Variants in APBB2 observed in about 807,000 individuals in gnomAD.
APBB2 encodes the protein amyloid beta precursor protein binding family B member 2, also known as Fe65-like 1.
In APBB2, 38 loss-of-function variants were observed where a neutral mutation model predicts 82.5. The ratio of observed to expected loss-of-function variants is 0.46; its 90% CI spans 0.36 to 0.60. APBB2 has a LOEUF of 0.60. APBB2 is among the 20% of genes least tolerant of loss of function. The pLI, the probability that APBB2 is intolerant of heterozygous loss-of-function variation, is 0.00. For synonymous variants in APBB2, 341 were observed against 368.2 expected (o/e 0.93, Z 0.85); for missense variants, 772 against 972.3 (o/e 0.79, Z 2.74).
At chr4:40,847,484 C>A (rs929929538) in intron 12 of APBB2, among the ~76,000 whole-genome samples, 7 of 152,046 alleles carry the variant, frequency 4.6e-5, no homozygotes, top group African/African-American at 1.7e-4. Flanking sequence ...ACACGAAACA[C>A]CTTGACACCA....
chr4:41,041,341 A>G (rs1721437990), intron 4 of APBB2, among the ~76,000 whole-genome samples: 1 of 152,248 alleles, frequency 6.6e-6, no homozygotes, highest in South Asian at 2.1e-4. Context: ...ATAGTCTTGT[A>G]ATGCATGCAT....
intron 1 of APBB2, among the ~76,000 whole-genome samples, chr4:41,200,660 A>G (rs1225615872): frequency 6.6e-6 from 1 of 152,230 alleles, no homozygotes; most frequent in African/African-American, 2.4e-5. Context: ...TACCAGTTAC[A>G]GCCTTTAAAA....
intron 5 of APBB2, among the ~76,000 whole-genome samples, chr4:41,033,026 G>A (rs373658303): frequency 4.6e-5 from 7 of 151,782 alleles, no homozygotes; most frequent in South Asian, 2.1e-4. Flanking sequence ...CTCGTGATCC[G>A]CCGGTCTCGG....
Position 41,039,064 on chromosome 4 carries a change from T to C in APBB2, c.-50-5760A>G, listed in dbSNP as rs187431098. Among the ~76,000 whole-genome samples the C allele has an allele frequency of 2.8e-3, 432 of 152,386 alleles. 11 individuals are homozygous for C. The highest frequency in any genetic ancestry group is 0.026 in the Admixed American group (396 of 15,308). ...AATGTTAAATACACTTGTTTTTAAA[T>C]GAGAAGGAGCTTTCATTTCTGGAAT... On this transcript the variant is annotated intron_variant, in intron 4 of 17. Coordinates refer to ENST00000508593, the MANE Select transcript of APBB2 (RefSeq NM_004307.2).
intron 6 of APBB2, among the ~76,000 whole-genome samples, chr4:40,976,737 A>AT (rs1267818128): frequency 6.6e-6 from 1 of 152,158 alleles, no homozygotes; most frequent in Admixed American, 6.5e-5. Flanking sequence ...GGAAGTGAAC[A>AT]TTAATTTCCT....
chr4:41,136,254 C>T (rs559386816), intron 2 of APBB2, among the ~76,000 whole-genome samples: 1 of 152,250 alleles, frequency 6.6e-6, no homozygotes, highest in South Asian at 2.1e-4. Flanking sequence ...CTTTCCAGAA[C>T]ATTATACTAC....
chr4:40,914,340 T>C (rs1188802404), intron 10 of APBB2, among the ~76,000 whole-genome samples: 1 of 152,022 alleles, frequency 6.6e-6, no homozygotes, highest in East Asian at 1.9e-4. Context: ...ACCACTGCAC[T>C]CTGGCCTGGG....
rs746607045 is a variant in APBB2, at chr4:40,826,958, T to C, written c.1732+174A>G. The C allele has an allele frequency of 3.3e-6, 2 of 598,736 alleles. No homozygotes were observed. Among genetic ancestry groups the C allele is most frequent in the Non-Finnish European group, 6.0e-6 (2 of 335,074 alleles). The allele number at this position is 598,736 out of a possible 1,614,324, so 37.1% of individuals were successfully genotyped here. On this transcript the variant is annotated intron_variant, in intron 14 of 17. Transcript: ENST00000508593. The surrounding 1 kb of genome is among the most constrained non-coding windows in gnomAD (Gnocchi z 4.5). ...CTGGCTTTATGCCTAACCCTAGTGATGCAAAATCAACTCTGTGCCTCTGTG... is the reference window on the plus strand; with the variant it reads ...CTGGCTTTATGCCTAACCCTAGTGACGCAAAATCAACTCTGTGCCTCTGTG...
intron 10 of APBB2, among the ~76,000 whole-genome samples, chr4:40,901,587 G>A (rs2154357180): frequency 6.6e-6 from 1 of 152,256 alleles, no homozygotes; most frequent in South Asian, 2.1e-4. Flanking sequence ...TCGGCTCACT[G>A]CAACCTCCGC....
In APBB2 at chr4:40,927,970, A is replaced by T. The variant is rs1021484406; in HGVS notation, c.1254+6486T>A. On this transcript the variant is annotated intron_variant, in intron 10 of 17. Transcript: ENST00000508593. Reference sequence around the variant, plus strand: ...GTTTTTATTTGAATGTTAATCAAGAATTTGGTCAGCCATGTGCCACGGGAA... The same window carrying T: ...GTTTTTATTTGAATGTTAATCAAGATTTTGGTCAGCCATGTGCCACGGGAA... 5.3e-5 allele frequency among the ~76,000 whole-genome samples: 8 copies of T among 152,222 alleles called. No individual in the cohort carries two copies. In the South Asian group the frequency reaches 1.0e-3, roughly 20 times the overall value.
rs564520775 is a variant in APBB2 at position 40,977,865 on chromosome 4, T to G, written c.836-32792A>C. ...AGTTCTAATGGAGATAAAACAAATG[T>G]GCACAGGAGTTTCATATAAGATAGA... On this transcript the variant is annotated intron_variant, in intron 6 of 17. Coordinates refer to ENST00000508593, the MANE Select transcript of APBB2 (RefSeq NM_004307.2). 2.6e-5 allele frequency among the ~76,000 whole-genome samples: 4 copies of G among 152,262 alleles called. No homozygotes were observed. The East Asian group carries it at 7.7e-4, about 29-fold the overall frequency.
intron 1 of APBB2, among the ~76,000 whole-genome samples, chr4:41,151,967 T>C (rs912769746): frequency 2.0e-5 from 3 of 152,154 alleles, no homozygotes; most frequent in Admixed American, 2.0e-4. Context: ...TTTACTCTTA[T>C]TATCTTTCTG....
chr4:41,148,418 C>T (rs921895282), intron 1 of APBB2, among the ~76,000 whole-genome samples: 2 of 152,154 alleles, frequency 1.3e-5, no homozygotes, highest in Non-Finnish European at 2.9e-5. Flanking sequence ...TACTATTAGC[C>T]AACTTCATGG....
intron 10 of APBB2, among the ~76,000 whole-genome samples, chr4:40,927,902 T>A (rs1171228624): frequency 2.0e-5 from 3 of 152,254 alleles, no homozygotes; most frequent in African/African-American, 7.2e-5. Context: ...AAACGGTATA[T>A]ATATTTCAAA....
chr4:41,131,620 G>A (rs572307739), intron 2 of APBB2, among the ~76,000 whole-genome samples: 2 of 152,286 alleles, frequency 1.3e-5, no homozygotes, highest in South Asian at 4.1e-4. Context: ...AAGTTATAAA[G>A]AGAAGGAGAT....
chr4:40,823,614 A>G, intron 16 of APBB2, 30 bp downstream of exon 16: 1 of 1,475,148 alleles, frequency 6.8e-7, no homozygotes, highest in Non-Finnish European at 9.5e-7. Flanking sequence ...TGTATAAGAC[A>G]CACCAATGTC....
At chr4:41,103,476 A>G (rs959893169) in intron 2 of APBB2, among the ~76,000 whole-genome samples, 1 of 152,196 alleles carries the variant, frequency 6.6e-6, no homozygotes, top group Non-Finnish European at 1.5e-5. Flanking sequence ...ATACTCTTAT[A>G]AATAATTTTT....
chr4:40,970,469 CT>C (rs935117793), intron 6 of APBB2, among the ~76,000 whole-genome samples: 30 of 151,052 alleles, frequency 2.0e-4, no homozygotes, highest in African/African-American at 5.3e-4. Flanking sequence ...CCCACTCCTC[CT>C]TTTTTTTTGA....
intron 6 of APBB2, among the ~76,000 whole-genome samples, chr4:40,967,719 C>T (rs193100981): frequency 7.2e-5 from 11 of 152,266 alleles, no homozygotes; most frequent in Non-Finnish European, 1.3e-4. Context: ...AAGCGTGAGC[C>T]GAGTGCAGTC....
Sources: gnomAD v4.1 joint callset for allele counts (sites outside exome capture counted in the v4.1 genomes callset) on GRCh38, gnomAD v4.1.1 for gene constraint, Gnocchi (gnomAD v3.1) non-coding constraint, MANE v1.5 for transcripts, NCBI Gene and HGNC (gene_info 2026-07-23, HGNC 2026-07-21) for gene names.